The following FRRS1 variants were observed in gnomAD, a reference collection of about 807,000 sequenced individuals.
FRRS1 encodes the protein ferric chelate reductase 1.
In FRRS1, 51 loss-of-function variants were observed where a neutral mutation model predicts 70.7. The observed-to-expected ratio is 0.72, with a 90% CI of 0.58 to 0.91. FRRS1 has a LOEUF of 0.91. Among genes scored for constraint, FRRS1 ranks in the 40% least tolerant of loss-of-function variants. FRRS1 has a pLI of 0.00. For missense variants in FRRS1, 672 were observed against 726.0 expected (o/e 0.93, Z 0.86); for synonymous variants, 225 against 238.7 (o/e 0.94, Z 0.53).
rs1654003932 is a variant in FRRS1 at position 99,705,197 on chromosome 1, A to G, written c.*3831T>C. ...TCTGTATGCTCCCCTAGATTTGAGC[A>G]GTGGGGCACTGAAGAAGCCAGCCAC... On this transcript the variant is annotated 3_prime_UTR_variant, in exon 17 of 17. Coordinates refer to ENST00000646001, the MANE Select transcript of FRRS1 (RefSeq NM_001361041.2). 6.6e-6 allele frequency among the ~76,000 whole-genome samples: 1 copy of G among 152,200 alleles called. No individual in the cohort carries two copies. Among genetic ancestry groups the G allele is most frequent in the Non-Finnish European group, 1.5e-5 (1 of 68,040 alleles).
Position 99,706,845 on chromosome 1 carries a change from T to C in FRRS1, c.*2183A>G, listed in dbSNP as rs1298515716. On this transcript the variant is annotated 3_prime_UTR_variant, in exon 17 of 17. Transcript: ENST00000646001. ...AGGTGGAGGCTGCAGTGAGCCAACA[T>C]TGCACCACTGCACTCCAGCCTAGAC... 6.6e-6 allele frequency among the ~76,000 whole-genome samples: 1 copy of C among 151,806 alleles called. No individual in the cohort carries two copies. The highest frequency in any genetic ancestry group is 2.4e-5 in the African/African-American group (1 of 41,246).
Position 99,708,986 on chromosome 1 carries a change from A to G in FRRS1, c.*42T>C, listed in dbSNP as rs759959918. 3 of 1,614,024 alleles carry G rather than the reference A, an allele frequency of 1.9e-6. No homozygotes were observed. The highest frequency in any genetic ancestry group is 3.3e-5 in the Admixed American group (2 of 60,012). ...GGCTTCAAGTTTCTTTGGTTTGATGATAATTATCACTTGGCCTGCAAAAGC... is the reference window on the plus strand; with the variant it reads ...GGCTTCAAGTTTCTTTGGTTTGATGGTAATTATCACTTGGCCTGCAAAAGC... On this transcript the variant is annotated 3_prime_UTR_variant, in exon 17 of 17. Coordinates refer to ENST00000646001, the MANE Select transcript of FRRS1 (RefSeq NM_001361041.2).
chr1:99,755,026 T>C (rs1656763913), intron 1 of FRRS1, among the ~76,000 whole-genome samples: 1 of 152,002 alleles, frequency 6.6e-6, no homozygotes, highest in Non-Finnish European at 1.5e-5. Context: ...CAAGAGCTTC[T>C]GAAAAATATC....
chr1:99,756,184 C>T (rs1656826552), intron 1 of FRRS1, among the ~76,000 whole-genome samples: 1 of 152,128 alleles, frequency 6.6e-6, no homozygotes, highest in African/African-American at 2.4e-5. Context: ...GCATGATTTT[C>T]TTAAATTAAT....
rs536582403 is a variant in FRRS1, at chr1:99,710,143, A to T, written c.1624+663T>A. Among the ~76,000 whole-genome samples the T allele has an allele frequency of 5.3e-4, 80 of 152,194 alleles. No homozygotes were observed. The South Asian group carries it at 0.016, about 31-fold the overall frequency. ...ACAACATATACACTAGACAACAAAG[A>T]ATTTTTGTTTTTAGAAGGCCACCTT... On this transcript the variant is annotated intron_variant, in intron 15 of 16. Transcript: ENST00000646001.
intron 1 of FRRS1, among the ~76,000 whole-genome samples, chr1:99,763,760 C>T (rs774105826): frequency 4.6e-5 from 7 of 150,690 alleles, no homozygotes; most frequent in Non-Finnish European, 1.0e-4. Context: ...CCCAGCTACT[C>T]GGGAGGCTGA....
rs1654240840 is a variant in FRRS1, at chr1:99,710,886, T to C, written c.1544A>G (p.Tyr515Cys). 3.1e-6 allele frequency: 5 copies of C among 1,613,964 alleles called. No individual in the cohort carries two copies. The South Asian group carries it at 3.3e-5, about 11-fold the overall frequency. The change falls in exon 15 of 17, where the codon TAT (tyrosine) becomes TGT (cysteine). Residue 515 changes from tyrosine (Y) to cysteine (C), a missense_variant. By Grantham distance (194) the Tyr-to-Cys change is radical (BLOSUM62 -2). Coordinates refer to ENST00000646001, the MANE Select transcript of FRRS1 (RefSeq NM_001361041.2). ...CCAGGCTACGAATCCGGTCATTGCATAGGTTTTCCATGAATCAGGAAGATT... is the reference window on the plus strand; with the variant it reads ...CCAGGCTACGAATCCGGTCATTGCACAGGTTTTCCATGAATCAGGAAGATT... Reference protein sequence around the residue: ...GLNLPDSWKTYAMTGFVAWHV... With the variant: ...GLNLPDSWKTCAMTGFVAWHV...
intron 9 of FRRS1, among the ~76,000 whole-genome samples, chr1:99,727,111 A>G (rs112533812): frequency 1.5e-4 from 23 of 152,296 alleles, no homozygotes; most frequent in African/African-American, 5.5e-4. Context: ...CACCTTTCTA[A>G]GTCTGAATTT....
intron 1 of FRRS1, among the ~76,000 whole-genome samples, chr1:99,760,009 G>T (rs1169274254): frequency 6.6e-6 from 1 of 152,184 alleles, no homozygotes; most frequent in African/African-American, 2.4e-5. Flanking sequence ...AGTGAGTGGG[G>T]AGCTATTGGG....
chr1:99,759,416 T>G (rs1657011521), intron 1 of FRRS1, among the ~76,000 whole-genome samples: 1 of 152,156 alleles, frequency 6.6e-6, no homozygotes, highest in Admixed American at 6.6e-5. Context: ...TCCAGTAATC[T>G]GGGGACAGTG....
rs190461581 is a variant in FRRS1 at position 99,711,628 on chromosome 1, A to G, written c.1480+477T>C. ...ATAGACTATAGCAGTGTTAAGGTAGAAGGTGCCTACTTAGGTGTTTATTAT... is the reference window on the plus strand; with the variant it reads ...ATAGACTATAGCAGTGTTAAGGTAGGAGGTGCCTACTTAGGTGTTTATTAT... On this transcript the variant is annotated intron_variant, in intron 14 of 16. Coordinates refer to ENST00000646001, the MANE Select transcript of FRRS1 (RefSeq NM_001361041.2). The G allele has an allele frequency of 2.9e-3, 449 of 155,524 alleles. 2 individuals are homozygous for G. In the Middle Eastern group the frequency reaches 0.056, roughly 19 times the overall value. The allele number at this position is 155,524 out of a possible 1,614,324, so 9.6% of individuals were successfully genotyped here. A position where few individuals can be genotyped will look rare whatever the true frequency, so the allele number is the denominator to read the frequency against.
At chr1:99,762,274 G>C (rs1336054750) in intron 1 of FRRS1, among the ~76,000 whole-genome samples, 1 of 152,176 alleles carries the variant, frequency 6.6e-6, no homozygotes, top group East Asian at 1.9e-4. Context: ...ATAAGCGTTA[G>C]TTTTTCCTAA....
rs1010810813 is a variant in FRRS1 at position 99,708,427 on chromosome 1, T to C, written c.*601A>G. 6.6e-6 allele frequency among the ~76,000 whole-genome samples: 1 copy of C among 150,778 alleles called. No homozygotes were observed. Among genetic ancestry groups the C allele is most frequent in the African/African-American group, 2.4e-5 (1 of 40,994 alleles). On this transcript the variant is annotated 3_prime_UTR_variant, in exon 17 of 17. Coordinates refer to ENST00000646001, the MANE Select transcript of FRRS1 (RefSeq NM_001361041.2). ...ATCCTGTGAATGGTGAAACCCTGTC[T>C]CTACTAAAAATATAAAAAAAATTAG...
chr1:99,731,987 C>T (rs1020661114), intron 7 of FRRS1, among the ~76,000 whole-genome samples: 9 of 152,138 alleles, frequency 5.9e-5, no homozygotes, highest in African/African-American at 2.2e-4. Flanking sequence ...TTAAACAATG[C>T]ATGTTTTCTA....
intron 9 of FRRS1, among the ~76,000 whole-genome samples, chr1:99,720,164 A>C (rs752499893): frequency 1.2e-4 from 18 of 152,326 alleles, no homozygotes; most frequent in Non-Finnish European, 2.6e-4. Context: ...GTCAATTTGA[A>C]CTGACAAACC....
rs538947754 is a variant in FRRS1 at position 99,756,225 on chromosome 1, C to T, written c.-105-7224G>A. On this transcript the variant is annotated intron_variant, in intron 1 of 16. Coordinates refer to ENST00000646001, the MANE Select transcript of FRRS1 (RefSeq NM_001361041.2). ...CATTCTGTTGTCTATACAAAATAGACGATAAAACAAAAAAGATTTATTTTG... is the reference window on the plus strand; with the variant it reads ...CATTCTGTTGTCTATACAAAATAGATGATAAAACAAAAAAGATTTATTTTG... 3.9e-5 allele frequency among the ~76,000 whole-genome samples: 6 copies of T among 151,920 alleles called. No homozygotes were observed. In the East Asian group the frequency reaches 1.2e-3, roughly 29 times the overall value.
chr1:99,741,778 T>A (rs1655977265), intron 5 of FRRS1, among the ~76,000 whole-genome samples: 1 of 152,230 alleles, frequency 6.6e-6, no homozygotes, highest in African/African-American at 2.4e-5. Context: ...TAGCTCTTAT[T>A]AGGATTAAGG....
At chr1:99,745,895 ACTCT>A (rs759565957) in intron 4 of FRRS1, among the ~76,000 whole-genome samples, 2 of 151,830 alleles carry the variant, frequency 1.3e-5, no homozygotes, top group Non-Finnish European at 2.9e-5. Context: ...CCCCCCACTA[ACTCT>A]CTCTCTTGCT....
intron 1 of FRRS1, among the ~76,000 whole-genome samples, chr1:99,760,200 T>C (rs1043073209): frequency 6.6e-6 from 1 of 152,264 alleles, no homozygotes; most frequent in Non-Finnish European, 1.5e-5. Context: ...CCACTATTTA[T>C]AATATCACTA....
Sources: allele counts gnomAD v4.1 joint callset (sites outside exome capture counted in the v4.1 genomes callset), GRCh38; gene constraint gnomAD v4.1.1; transcripts MANE v1.5; gene names NCBI Gene and HGNC (gene_info 2026-07-23, HGNC 2026-07-21).